EXOC4: variants seen among roughly 807,000 people sequenced by gnomAD.
EXOC4 encodes SEC8-like 1.
A neutral mutation model predicts 107.2 loss-of-function variants in EXOC4; 71 were observed. The ratio of observed to expected loss-of-function variants is 0.66; its 90% CI spans 0.55 to 0.81. The LOEUF is 0.81. Ranked by LOEUF, EXOC4 falls within the 30% of genes least tolerant of loss-of-function variation. EXOC4 has a pLI of 0.00. For synonymous variants in EXOC4, 456 were observed against 441.2 expected (o/e 1.03, Z -0.42); for missense variants, 1,108 against 1,189.6 (o/e 0.93, Z 1.01).
chr7:133,905,589 C>G (rs1052437353), intron 12 of EXOC4, among the ~76,000 whole-genome samples: 1 of 152,104 alleles, frequency 6.6e-6, no homozygotes, highest in Non-Finnish European at 1.5e-5. Flanking sequence ...TCGCAGTTTT[C>G]GGAAGTTTCT....
In EXOC4 at chr7:133,785,319, C is replaced by A. The variant is rs141122198; in HGVS notation, c.1515-32006C>A. ...ATTAAAAAAAAAATCGGTATTTGAT[C>A]AAATCTGAGTATTTTCAATACTCAT... is the stretch of plus-strand genomic sequence containing the variant. On this transcript the variant is annotated intron_variant, in intron 10 of 17. Transcript: ENST00000253861. Among the ~76,000 whole-genome samples, 271 of 152,002 alleles carry A rather than the reference C, an allele frequency of 1.8e-3. 7 individuals are homozygous for A. The East Asian group carries it at 0.043, about 24-fold the overall frequency.
intron 10 of EXOC4, among the ~76,000 whole-genome samples, chr7:133,679,098 G>C (rs1047445304): frequency 6.6e-6 from 1 of 152,096 alleles, no homozygotes; most frequent in East Asian, 1.9e-4. Flanking sequence ...TTAGGTCCTT[G>C]CCTTGGTGTG....
chr7:133,458,309 A>G (rs1280567855), intron 7 of EXOC4, among the ~76,000 whole-genome samples: 2 of 152,224 alleles, frequency 1.3e-5, no homozygotes. Flanking sequence ...AGCCCTCGCA[A>G]ATTTTGTGAA....
At chr7:133,658,232 G>A (rs1315291940) in intron 10 of EXOC4, among the ~76,000 whole-genome samples, 1 of 152,160 alleles carries the variant, frequency 6.6e-6, no homozygotes, top group Non-Finnish European at 1.5e-5. Flanking sequence ...TTGAGTCTAA[G>A]ATCTACCAGA....
At chr7:133,858,904 C>T (rs1223468549) in intron 11 of EXOC4, among the ~76,000 whole-genome samples, 1 of 152,162 alleles carries the variant, frequency 6.6e-6, no homozygotes, top group South Asian at 2.1e-4. Flanking sequence ...TCCCAAGATG[C>T]ATTTCAAATT....
chr7:133,949,575 AG>A (rs1419087331), intron 14 of EXOC4, among the ~76,000 whole-genome samples: 1 of 152,228 alleles, frequency 6.6e-6, no homozygotes, highest in African/African-American at 2.4e-5. Flanking sequence ...CATCTAAAGA[AG>A]GTACTATTTG....
intron 9 of EXOC4, among the ~76,000 whole-genome samples, chr7:133,548,947 G>T: frequency 6.6e-6 from 1 of 152,126 alleles, no homozygotes; most frequent in East Asian, 1.9e-4. Context: ...GCCTGTCTTG[G>T]CTTTCTACGT....
chr7:133,688,395 G>T (rs1258265430), intron 10 of EXOC4, among the ~76,000 whole-genome samples: 1 of 152,128 alleles, frequency 6.6e-6, no homozygotes, highest in Non-Finnish European at 1.5e-5. Context: ...CGGTAAAGCA[G>T]TATCTTGCAG....
At chr7:133,948,352 C>G (rs1188785557) in intron 14 of EXOC4, among the ~76,000 whole-genome samples, 1 of 151,862 alleles carries the variant, frequency 6.6e-6, no homozygotes, top group Non-Finnish European at 1.5e-5. Context: ...AAGTTTAGAT[C>G]TACAAAATGC....
chr7:133,592,083 C>CA (rs1801563022), intron 9 of EXOC4, among the ~76,000 whole-genome samples: 1 of 151,956 alleles, frequency 6.6e-6, no homozygotes, highest in Non-Finnish European at 1.5e-5. Context: ...TTTTTTGAGA[C>CA]AGAGTCTTTG....
intron 10 of EXOC4, among the ~76,000 whole-genome samples, chr7:133,739,159 A>G (rs1795507980): frequency 6.6e-6 from 1 of 152,044 alleles, no homozygotes; most frequent in African/African-American, 2.4e-5. Context: ...ACATTTTATG[A>G]AAGGATGGCA....
chr7:133,956,988 T>C (rs1800834447), intron 14 of EXOC4, among the ~76,000 whole-genome samples: 1 of 152,232 alleles, frequency 6.6e-6, no homozygotes, highest in Admixed American at 6.5e-5. Flanking sequence ...ATTGATTTTT[T>C]TTTTTGTCAA....
intron 7 of EXOC4, among the ~76,000 whole-genome samples, chr7:133,427,747 G>A (rs1012999053): frequency 6.6e-6 from 1 of 152,174 alleles, no homozygotes; most frequent in Non-Finnish European, 1.5e-5. Context: ...GAGGCTGGTG[G>A]CCAAATATTT....
At chr7:133,845,934 CATAAAAGGCAGGCATTTATTTACT>C (rs1563024259) in intron 11 of EXOC4, among the ~76,000 whole-genome samples, 1 of 152,084 alleles carries the variant, frequency 6.6e-6, no homozygotes, top group Non-Finnish European at 1.5e-5. Flanking sequence ...TTTGAAAGAA[CATAAAAGGCAGGCATTTATTTACT>C]ATAATAAAAC....
chr7:133,995,746 A>G (rs1166267341), intron 14 of EXOC4, among the ~76,000 whole-genome samples: 1 of 152,152 alleles, frequency 6.6e-6, no homozygotes, highest in East Asian at 1.9e-4. Flanking sequence ...TTAATTTATT[A>G]GAGTCTGGTT....
At chr7:133,347,212 G>A (rs1149564) in intron 5 of EXOC4, among the ~76,000 whole-genome samples, 148,603 of 151,642 alleles carry the variant, frequency 0.98, 72,867 homozygotes, top group East Asian at 1. Context: ...GCTGTAGGCT[G>A]TGTAATCAAG....
intron 10 of EXOC4, among the ~76,000 whole-genome samples, chr7:133,647,497 G>T (rs1014029504): frequency 6.6e-6 from 1 of 152,090 alleles, no homozygotes; most frequent in South Asian, 2.1e-4. Flanking sequence ...CTGAGGCATG[G>T]AGAGATGAAG....
chr7:133,742,019 A>G (rs913177783), intron 10 of EXOC4, among the ~76,000 whole-genome samples: 13 of 152,200 alleles, frequency 8.5e-5, no homozygotes, highest in African/African-American at 3.1e-4. Context: ...GTCACGTTGT[A>G]GTGAATGTGC....
rs563928342 is a variant in EXOC4 at position 133,611,538 on chromosome 7, C to A, written c.1418-18507C>A. Among the ~76,000 whole-genome samples, 4 of 152,260 alleles carry A rather than the reference C, an allele frequency of 2.6e-5. No homozygotes were observed. The East Asian group carries it at 5.8e-4, about 22-fold the overall frequency. On this transcript the variant is annotated intron_variant, in intron 9 of 17. Coordinates refer to ENST00000253861, the MANE Select transcript of EXOC4 (RefSeq NM_021807.4). ...CTTTTCCTTCATAGGACCTACCACA[C>A]CCTGTTGATCTGGTCTGCCTACCTC...
Sources: gnomAD v4.1 joint callset for allele counts (sites outside exome capture counted in the v4.1 genomes callset) on GRCh38, gnomAD v4.1.1 for gene constraint, MANE v1.5 for transcripts, NCBI Gene and HGNC (gene_info 2026-07-23, HGNC 2026-07-21) for gene names.